SLC7A14: variants seen among roughly 807,000 people sequenced by gnomAD.
SLC7A14 encodes solute carrier family 7 member 14, also known as gamma-aminobutyric acid transporter SLC7A14.
In SLC7A14, 37 loss-of-function variants were observed where a neutral mutation model predicts 60.2. The observed-to-expected ratio is 0.61, with a 90% CI of 0.47 to 0.81. SLC7A14 has a LOEUF of 0.81. Ranked by LOEUF, SLC7A14 falls within the 30% of genes least tolerant of loss-of-function variation. The pLI, the probability that SLC7A14 is intolerant of heterozygous loss-of-function variation, is 0.00. For missense variants in SLC7A14, 886 were observed against 982.7 expected (o/e 0.90, Z 1.32); for synonymous variants, 399 against 395.8 (o/e 1.01, Z -0.10).
intron 1 of SLC7A14, among the ~76,000 whole-genome samples, chr3:170,550,391 G>A (rs565340876): frequency 4.6e-5 from 7 of 151,308 alleles, no homozygotes; most frequent in South Asian, 2.2e-4. Context: ...GCCATAAACC[G>A]TAAAGTGTGG....
chr3:170,561,885 G>GA lies in SLC7A14; in HGVS notation c.-153+24025dup, dbSNP rs376153241. ...ATATACAAGTGGCCAACAAACGTAT[G>GA]AAAAAATGCTCAATATCACTAATGA... is the stretch of plus-strand genomic sequence containing the variant. On this transcript the variant is annotated intron_variant, in intron 1 of 7. Coordinates refer to ENST00000231706, the MANE Select transcript of SLC7A14 (RefSeq NM_020949.3). 7.3e-3 allele frequency among the ~76,000 whole-genome samples: 1,115 copies of GA among 152,200 alleles called. 15 individuals carry two copies. Among genetic ancestry groups the GA allele is most frequent in the African/African-American group, 0.025 (1,054 of 41,536 alleles).
intron 7 of SLC7A14, among the ~76,000 whole-genome samples, chr3:170,473,176 AC>A (rs1162123164): frequency 2.0e-5 from 3 of 152,136 alleles, no homozygotes; most frequent in Non-Finnish European, 4.4e-5. Flanking sequence ...CAGGTGACAT[AC>A]CTGCTCACCC....
At chr3:170,490,109 A>C (rs1205764189) in intron 4 of SLC7A14, among the ~76,000 whole-genome samples, 3 of 152,216 alleles carry the variant, frequency 2.0e-5, no homozygotes, top group Non-Finnish European at 4.4e-5. Context: ...GATTGGTTAT[A>C]ACTCAAAGGA....
At chr3:170,512,026 T>C (rs1712996200) in intron 2 of SLC7A14, among the ~76,000 whole-genome samples, 1 of 152,180 alleles carries the variant, frequency 6.6e-6, no homozygotes, top group African/African-American at 2.4e-5. Context: ...GACTTGGAGC[T>C]GAAGTGACAA....
At chr3:170,531,433 C>G (rs186130919) in intron 1 of SLC7A14, among the ~76,000 whole-genome samples, 1 of 151,918 alleles carries the variant, frequency 6.6e-6, no homozygotes, top group Non-Finnish European at 1.5e-5. Flanking sequence ...ATTTGCACTT[C>G]GTATTCCTGG....
chr3:170,483,198 C>A, intron 6 of SLC7A14, 116 bp downstream of exon 6: 1 of 1,218,554 alleles, frequency 8.2e-7, no homozygotes. Context: ...TAACAAGGTC[C>A]ACAGTCCATG....
intron 3 of SLC7A14, among the ~76,000 whole-genome samples, chr3:170,500,608 C>T (rs1032978994): frequency 6.6e-6 from 1 of 151,958 alleles, no homozygotes; most frequent in African/African-American, 2.4e-5. Flanking sequence ...AATTTTTTTT[C>T]ATTGAAATTT....
At chr3:170,558,091 G>T (rs2108308578) in intron 1 of SLC7A14, among the ~76,000 whole-genome samples, 1 of 152,314 alleles carries the variant, frequency 6.6e-6, no homozygotes, top group Middle Eastern at 3.4e-3. Flanking sequence ...ATGGAGGCTG[G>T]GCGTGGTGGC....
At chr3:170,578,105 G>A (rs1172608115) in intron 1 of SLC7A14, among the ~76,000 whole-genome samples, 2 of 152,338 alleles carry the variant, frequency 1.3e-5, no homozygotes, top group African/African-American at 4.8e-5. Context: ...GATGTGGTGG[G>A]CTGACCTTTA....
rs1291255826 is a variant in SLC7A14, at chr3:170,483,648, A to G, written c.907-126T>C. The G allele has an allele frequency of 5.2e-6, 5 of 961,290 alleles. No homozygotes were observed. In the Middle Eastern group the frequency reaches 7.6e-4, roughly 145 times the overall value. 59.5% of individuals were successfully genotyped at this position (961,290 alleles called of 1,614,324 possible). A position where few individuals can be genotyped will look rare whatever the true frequency, so the allele number is the denominator to read the frequency against. On this transcript the variant is annotated intron_variant, in intron 5 of 7. Transcript: ENST00000231706. Reference sequence around the variant, plus strand: ...CTTGCATGGCAGTTTGGATCCATTCACTTGCTGGCATGTGCCTTTACTGTA... The same window carrying G: ...CTTGCATGGCAGTTTGGATCCATTCGCTTGCTGGCATGTGCCTTTACTGTA...
intron 1 of SLC7A14, among the ~76,000 whole-genome samples, chr3:170,562,751 A>G (rs962272297): frequency 5.9e-5 from 9 of 152,122 alleles, no homozygotes; most frequent in Non-Finnish European, 1.3e-4. Context: ...AAATATTATT[A>G]TTATTATTCC....
chr3:170,507,574 T>C (rs1461143429), intron 2 of SLC7A14, among the ~76,000 whole-genome samples: 1 of 151,796 alleles, frequency 6.6e-6, no homozygotes, highest in Non-Finnish European at 1.5e-5. Context: ...GGCGAAAAGG[T>C]GTAGCTGGGC....
rs1444490867 is a variant in SLC7A14 at position 170,585,082 on chromosome 3, G to GA, written c.-153+828dup. On this transcript the variant is annotated intron_variant, in intron 1 of 7. Transcript: ENST00000231706. This position sits in a 1 kb window ranked among gnomAD's most constrained non-coding sequence, Gnocchi z 5.1. Reference sequence around the variant, plus strand: ...GGCAGGGTGACACAGGAGAGAGAAGGAGGGTGGGGGCTGCATCCCGCGTGG... The same window carrying GA: ...GGCAGGGTGACACAGGAGAGAGAAGGAAGGGTGGGGGCTGCATCCCGCGTGG... Among the ~76,000 whole-genome samples, 3 of 152,172 alleles carry GA rather than the reference G, an allele frequency of 2.0e-5. No homozygotes were observed. Among genetic ancestry groups the GA allele is most frequent in the African/African-American group, 7.2e-5 (3 of 41,450 alleles).
chr3:170,520,503 C>T (rs989690538), intron 2 of SLC7A14, among the ~76,000 whole-genome samples: 3 of 152,200 alleles, frequency 2.0e-5, no homozygotes, highest in African/African-American at 7.2e-5. Flanking sequence ...ATTTTTGGTA[C>T]TGTCTCAGGA....
At chr3:170,505,077 C>G (rs959635514) in intron 2 of SLC7A14, among the ~76,000 whole-genome samples, 2 of 152,180 alleles carry the variant, frequency 1.3e-5, no homozygotes, top group African/African-American at 4.8e-5. Flanking sequence ...GAATTTATCT[C>G]CATTTTACAT....
rs1235665892 is a variant in SLC7A14, at chr3:170,519,553, G to T, written c.304+7080C>A. Among the ~76,000 whole-genome samples the T allele has an allele frequency of 2.0e-5, 3 of 152,212 alleles. No individual in the cohort carries two copies. In the East Asian group the frequency reaches 5.8e-4, roughly 29 times the overall value. ...ACACTTAGGGAGGTCAAGGCGGGCA[G>T]ATCACCTAAGTCAGGAGTTTCAGAC... On this transcript the variant is annotated intron_variant, in intron 2 of 7. Coordinates refer to ENST00000231706, the MANE Select transcript of SLC7A14 (RefSeq NM_020949.3).
chr3:170,536,547 A>G (rs1324546297), intron 1 of SLC7A14, among the ~76,000 whole-genome samples: 1 of 152,196 alleles, frequency 6.6e-6, no homozygotes, highest in Non-Finnish European at 1.5e-5. Flanking sequence ...ATACATGCAG[A>G]TTTCCAAAAT....
At chr3:170,469,494 T>C (rs1739820984) in intron 7 of SLC7A14, among the ~76,000 whole-genome samples, 1 of 152,096 alleles carries the variant, frequency 6.6e-6, no homozygotes, top group African/African-American at 2.4e-5. Context: ...CTTTCTTTTC[T>C]GTAGGTGGGG....
At chr3:170,495,924 C>A in intron 4 of SLC7A14, 1 of 1,437,042 alleles carries the variant, frequency 7.0e-7, no homozygotes, top group South Asian at 1.1e-5. Context: ...GGAGGCGGAG[C>A]TTGGCAATAT....
Sources: allele counts gnomAD v4.1 joint callset (sites outside exome capture counted in the v4.1 genomes callset), GRCh38; gene constraint gnomAD v4.1.1; non-coding constraint Gnocchi (gnomAD v3.1); transcripts MANE v1.5; gene names NCBI Gene and HGNC (gene_info 2026-07-23, HGNC 2026-07-21).